The following ZNF618 variants were observed in gnomAD, a reference collection of about 807,000 sequenced individuals.
ZNF618 encodes the protein neural precursor cell expressed, developmentally down-regulated 10.
A neutral mutation model predicts 103.0 loss-of-function variants in ZNF618; 34 were observed. The observed-to-expected ratio is 0.33, with a 90% CI of 0.25 to 0.44. ZNF618 has a LOEUF of 0.44. ZNF618 is among the 20% of genes least tolerant of loss of function. The probability of loss-of-function intolerance (pLI) is 1.00; values close to 1 mark genes in which losing one functional copy is unlikely to be tolerated. For synonymous variants in ZNF618, 551 were observed against 542.2 expected, an observed-to-expected ratio of 1.02 and a Z score of -0.23; for missense variants, 1,059 against 1,295.4, an observed-to-expected ratio of 0.82 and a Z score of 2.80.
At chr9:113,968,612 G>C (rs905534643) in intron 1 of ZNF618, among the ~76,000 whole-genome samples, 1 of 152,076 alleles carries the variant, frequency 6.6e-6, no homozygotes, top group African/African-American at 2.4e-5. Context: ...AATTTCATTT[G>C]ATCAGCTTTA....
rs1014260606 is a variant in ZNF618, at chr9:114,049,234, G to A, written c.1932G>A (p.Val644=). ...RCSACALNSV[V]QSVLSKRTLQ... Reference sequence around the variant, plus strand: ...CAGCCTGTGCCTTGAACTCGGTGGTGCAGAGCGTGCTGAGCAAGCGGACAC... The same window carrying A: ...CAGCCTGTGCCTTGAACTCGGTGGTACAGAGCGTGCTGAGCAAGCGGACAC... The change falls in exon 15 of 15, where the codon GTG becomes GTA. Residue 644 remains valine (V), a synonymous_variant. Transcript: ENST00000374126. 10 of 1,613,202 alleles carry A rather than the reference G, an allele frequency of 6.2e-6. No individual in the cohort carries two copies. The highest frequency in any genetic ancestry group is 3.3e-5 in the Admixed American group (2 of 60,024).
chr9:114,002,103 A>G (rs755202144), intron 5 of ZNF618, 30 bp downstream of exon 5: 12 of 1,599,750 alleles, frequency 7.5e-6, no homozygotes, highest in Middle Eastern at 3.3e-4. Context: ...GGCAGAGCCC[A>G]GGGGCCGCAC....
At chr9:114,010,606 AG>A (rs1223826549) in intron 9 of ZNF618, among the ~76,000 whole-genome samples, 4 of 152,158 alleles carry the variant, frequency 2.6e-5, no homozygotes, top group African/African-American at 4.8e-5. Context: ...TGGGAGGCTG[AG>A]GCAGGAGAAT....
chr9:113,876,605 G>T (rs541073027), intron 1 of ZNF618, among the ~76,000 whole-genome samples, 192 bp downstream of exon 1: 5 of 151,938 alleles, frequency 3.3e-5, no homozygotes, highest in African/African-American at 1.2e-4. Context: ...GTGCGAGGAG[G>T]GTGGGGGTGA....
intron 1 of ZNF618, among the ~76,000 whole-genome samples, chr9:113,911,504 T>G (rs1831544936): frequency 6.6e-6 from 1 of 151,624 alleles, no homozygotes; most frequent in Non-Finnish European, 1.5e-5. Flanking sequence ...GATTATTGTA[T>G]TTTTAGTAGA....
In ZNF618 at chr9:114,036,292, C is replaced by G. The variant is rs1279701246; in HGVS notation, c.1169-8C>G. ...CCCCTCACGTGGCTGCCGCATTTCT[C>G]CCTCCAGAACCCTACACCTGCGGCG... On this transcript the variant is annotated splice_polypyrimidine_tract_variant and splice_region_variant and intron_variant, in intron 12 of 14. Coordinates refer to ENST00000374126, the MANE Select transcript of ZNF618 (RefSeq NM_001318042.2). The G allele has an allele frequency of 1.9e-6, 3 of 1,565,146 alleles. No homozygotes were observed. Among genetic ancestry groups the G allele is most frequent in the Non-Finnish European group, 2.6e-6 (3 of 1,154,318 alleles).
chr9:113,889,314 A>G (rs971465154), intron 1 of ZNF618, among the ~76,000 whole-genome samples: 1 of 102,670 alleles, frequency 9.7e-6, no homozygotes, highest in Non-Finnish European at 2.1e-5. Flanking sequence ...TCTCCCCGCT[A>G]CCATCTCTCT....
At chr9:113,978,331 G>T (rs565816437) in intron 2 of ZNF618, among the ~76,000 whole-genome samples, 1 of 152,146 alleles carries the variant, frequency 6.6e-6, no homozygotes, top group Non-Finnish European at 1.5e-5. Context: ...TTTTTCCCAC[G>T]ATGGCTTCTC....
At chr9:114,003,532 G>A (rs1161829489) in intron 6 of ZNF618, among the ~76,000 whole-genome samples, 3 of 152,212 alleles carry the variant, frequency 2.0e-5, no homozygotes, top group Non-Finnish European at 4.4e-5. Flanking sequence ...TAGTGAGAAC[G>A]AACAATTTAT....
At chr9:113,942,905 C>G (rs796987967) in intron 1 of ZNF618, among the ~76,000 whole-genome samples, 20 of 152,250 alleles carry the variant, frequency 1.3e-4, no homozygotes, top group African/African-American at 4.6e-4. Context: ...CAGAGTCACC[C>G]CCAAACTCCA....
At chr9:114,012,988 T>G (rs1313074233) in intron 9 of ZNF618, among the ~76,000 whole-genome samples, 1 of 130,788 alleles carries the variant, frequency 7.6e-6, no homozygotes. Context: ...TTTAAAACTA[T>G]AGGAAAAAAA....
intron 2 of ZNF618, among the ~76,000 whole-genome samples, chr9:113,981,051 A>G (rs1240666308): frequency 1.3e-5 from 2 of 152,246 alleles, no homozygotes; most frequent in African/African-American, 4.8e-5. Context: ...CAGTGGGCAG[A>G]GTCCTGTCTG....
chr9:113,959,401 G>T (rs1231009178), intron 1 of ZNF618, among the ~76,000 whole-genome samples: 3 of 152,202 alleles, frequency 2.0e-5, no homozygotes, highest in Non-Finnish European at 4.4e-5. Flanking sequence ...GCCCAGCTGG[G>T]GGAATAGAAT....
At chr9:114,002,571 C>T (rs1841341459) in intron 5 of ZNF618, 53 bp from the exon 6 acceptor site, 4 of 1,588,146 alleles carry the variant, frequency 2.5e-6, no homozygotes, top group Middle Eastern at 1.7e-4. Flanking sequence ...TGGCACTGGC[C>T]CTGTCATTGG....
At chr9:114,019,762 A>G (rs1236470578) in intron 10 of ZNF618, among the ~76,000 whole-genome samples, 2 of 152,148 alleles carry the variant, frequency 1.3e-5, no homozygotes, top group Non-Finnish European at 1.5e-5. Context: ...TGCCAGATAC[A>G]TGTACTGTGG....
chr9:114,028,265 G>A (rs1843690114), intron 10 of ZNF618: 1 of 167,572 alleles, frequency 6.0e-6, no homozygotes, highest in Admixed American at 5.5e-5. Context: ...GCACCACAGA[G>A]CCCCTTGCCC....
chr9:113,921,731 TG>T (rs1361988589), intron 1 of ZNF618, among the ~76,000 whole-genome samples: 1 of 152,248 alleles, frequency 6.6e-6, no homozygotes, highest in Non-Finnish European at 1.5e-5. Flanking sequence ...TTCATCATTC[TG>T]AAGTGTCCCA....
At chr9:113,992,755 C>A (rs1032694017) in intron 3 of ZNF618, among the ~76,000 whole-genome samples, 4 of 152,236 alleles carry the variant, frequency 2.6e-5, no homozygotes, top group African/African-American at 9.6e-5. Context: ...ACACAAACAT[C>A]ATCCAAGGCA....
At chr9:113,901,310 A>G (rs138636947) in intron 1 of ZNF618, among the ~76,000 whole-genome samples, 1 of 152,168 alleles carries the variant, frequency 6.6e-6, no homozygotes, top group African/African-American at 2.4e-5. Context: ...AACATTTAAA[A>G]CGGGCATCTC....
Sources: gnomAD v4.1 joint callset for allele counts (sites outside exome capture counted in the v4.1 genomes callset) on GRCh38, gnomAD v4.1.1 for gene constraint, MANE v1.5 for transcripts, NCBI Gene and HGNC (gene_info 2026-07-23, HGNC 2026-07-21) for gene names.